The following MROH1 variants were observed in gnomAD, a reference collection of about 807,000 sequenced individuals.
MROH1 encodes the protein maestro heat like repeat family member 1, also known as maestro heat-like repeat-containing protein family member 1.
Under a neutral mutation model 116.5 loss-of-function variants are expected in MROH1, and 117 were observed. The observed-to-expected ratio is 1.00, with a 90% CI of 0.86 to 1.17. MROH1 has a LOEUF of 1.17. MROH1 is among the 50% of genes most tolerant of loss of function. The pLI, the probability that MROH1 is intolerant of heterozygous loss-of-function variation, is 0.00. For synonymous variants in MROH1, 921 were observed against 583.9 expected, an observed-to-expected ratio of 1.58 and a Z score of -8.32; for missense variants, 1,873 against 1,338.5, an observed-to-expected ratio of 1.40 and a Z score of -6.23.
intron 39 of MROH1, 23 bp from the exon 40 acceptor site, chr8:144,260,654 C>T (rs1468142241): frequency 1.4e-5 from 11 of 776,736 alleles, no homozygotes; most frequent in East Asian, 2.4e-5. Flanking sequence ...TGTGAGGAGA[C>T]GTATGCTGCA....
chr8:144,189,272 G>C (rs1827962069), intron 7 of MROH1, among the ~76,000 whole-genome samples: 1 of 152,090 alleles, frequency 6.6e-6, no homozygotes, highest in South Asian at 2.1e-4. Flanking sequence ...CATCCTTTCA[G>C]GGCTCTGGAC....
intron 35 of MROH1, among the ~76,000 whole-genome samples, chr8:144,258,243 C>T (rs996741730): frequency 2.0e-4 from 31 of 152,294 alleles, no homozygotes; most frequent in African/African-American, 1.7e-4. Context: ...ACGCCCAGGG[C>T]GCCTGCTCTT....
At chr8:144,172,041 T>C (rs1014726579) in intron 4 of MROH1, among the ~76,000 whole-genome samples, 13 of 152,286 alleles carry the variant, frequency 8.5e-5, no homozygotes, top group Non-Finnish European at 1.5e-4. Context: ...GCAATAAAAT[T>C]CCAGACTGGA....
chr8:144,167,862 G>A (rs544995353), intron 3 of MROH1, among the ~76,000 whole-genome samples: 65 of 152,252 alleles, frequency 4.3e-4, no homozygotes, highest in Non-Finnish European at 5.3e-4. Context: ...GGAACCCCAG[G>A]CTGCCTGGGC....
chr8:144,191,605 A>C, intron 8 of MROH1, 110 bp from the exon 9 acceptor site: 3 of 1,419,618 alleles, frequency 2.1e-6, no homozygotes, highest in Non-Finnish European at 2.8e-6. Context: ...CGTAGCACCC[A>C]CTGGTAGCCC....
At position 144,258,965 on chromosome 8, in the gene MROH1, A is replaced by C. The variant is rs915324036; in HGVS notation, c.3929+51A>C. ...TCCAGCACTGGCTGGGCTCCACCGG[A>C]TCTCGAGCCCAGAACATGACAGGAT... On this transcript the variant is annotated intron_variant, in intron 36 of 43. Coordinates refer to ENST00000326134, the MANE Select transcript of MROH1 (RefSeq NM_032450.3). 47 of 684,630 alleles carry C rather than the reference A, an allele frequency of 6.9e-5. 1 individual carries two copies. Among genetic ancestry groups the C allele is most frequent in the Admixed American group, 1.9e-4 (9 of 48,240 alleles). The allele number at this position is 684,630 out of a possible 1,614,324, so 42.4% of individuals were successfully genotyped here. A position where few individuals can be genotyped will look rare whatever the true frequency, so the allele number is the denominator to read the frequency against.
At chr8:144,211,150 A>T (rs751235529) in intron 12 of MROH1, among the ~76,000 whole-genome samples, 5 of 152,186 alleles carry the variant, frequency 3.3e-5, no homozygotes, top group Admixed American at 6.6e-5. Flanking sequence ...TTTCTCTGCC[A>T]TCTGAATTTC....
At position 144,244,469 on chromosome 8, in the gene MROH1, C is replaced by G; in HGVS notation, c.2696C>G (p.Ala899Gly). The G allele has an allele frequency of 1.3e-6, 1 of 771,724 alleles. No homozygotes were observed. The allele number at this position is 771,724 out of a possible 1,614,324, so 47.8% of individuals were successfully genotyped here. The change falls in exon 28 of 44, where the codon GCC (alanine) becomes GGC (glycine). Residue 899 changes from alanine to glycine, a missense_variant. Ala to Gly is a moderately conservative substitution (Grantham distance 60, BLOSUM62 0). Coordinates refer to ENST00000326134, the MANE Select transcript of MROH1 (RefSeq NM_032450.3). Reference sequence around the variant, plus strand: ...TCCCTGTATCTGGAGACACTGCACGCCCTTGAGGATCTGCTGACGAGCCTC... The same window carrying G: ...TCCCTGTATCTGGAGACACTGCACGGCCTTGAGGATCTGCTGACGAGCCTC... ...QKSLYLETLH[A>G]LEDLLTSLLQ...
At chr8:144,196,299 A>AC (rs1165897959) in intron 10 of MROH1, among the ~76,000 whole-genome samples, 35 of 151,718 alleles carry the variant, frequency 2.3e-4, no homozygotes, top group Non-Finnish European at 4.4e-4. Flanking sequence ...CCAAAAAAAA[A>AC]AAAAAAATTC....
chr8:144,219,432 A>G (rs868227097), intron 12 of MROH1, among the ~76,000 whole-genome samples: 44 of 152,204 alleles, frequency 2.9e-4, no homozygotes, highest in African/African-American at 1.0e-3. Context: ...TGCTGGGTTT[A>G]CAGCCATGAG....
intron 4 of MROH1, among the ~76,000 whole-genome samples, chr8:144,169,177 G>C (rs1311646409): frequency 6.6e-6 from 1 of 152,218 alleles, no homozygotes; most frequent in Non-Finnish European, 1.5e-5. Context: ...GTGTGGTTTG[G>C]GCTGTTCTGG....
At chr8:144,239,990 G>T in intron 18 of MROH1, 111 bp from the exon 19 acceptor site, 1 of 714,908 alleles carries the variant, frequency 1.4e-6, no homozygotes, top group East Asian at 2.7e-5. Flanking sequence ...GGGGGCAGCG[G>T]GGCGGCGGGG....
intron 7 of MROH1, among the ~76,000 whole-genome samples, chr8:144,186,693 C>A (rs373095487): frequency 7.0e-4 from 106 of 152,348 alleles, no homozygotes; most frequent in African/African-American, 2.4e-3. Context: ...ACGGGGGGGT[C>A]ACCCCAGGAG....
intron 3 of MROH1, among the ~76,000 whole-genome samples, chr8:144,166,250 A>G (rs1044442164): frequency 4.6e-5 from 7 of 152,184 alleles, no homozygotes; most frequent in Admixed American, 6.5e-5. Context: ...TCTTAATGCC[A>G]TCACATTGGG....
intron 1 of MROH1, among the ~76,000 whole-genome samples, chr8:144,150,459 A>T (rs1446217296): frequency 6.6e-6 from 1 of 152,190 alleles, no homozygotes; most frequent in African/African-American, 2.4e-5. Context: ...ATAGATGTGG[A>T]AAAGTGGATG....
chr8:144,235,846 C>T (rs2132759944), intron 14 of MROH1, among the ~76,000 whole-genome samples: 1 of 152,346 alleles, frequency 6.6e-6, no homozygotes, highest in Admixed American at 6.5e-5. Context: ...TACATACATG[C>T]ACAATTTTTT....
At chr8:144,224,465 T>C (rs999965914) in intron 14 of MROH1, among the ~76,000 whole-genome samples, 3 of 151,982 alleles carry the variant, frequency 2.0e-5, no homozygotes, top group African/African-American at 7.3e-5. Context: ...GAGATCACAC[T>C]ATGTTGCCCA....
rs532888000 is a variant in MROH1 at position 144,171,280 on chromosome 8, C to T, written c.168+2840C>T. ...GGCTTGATGAATTGCAGCAGTGGCT[C>T]ACAGAATGCAGGGACAGAGTGGCCT... On this transcript the variant is annotated intron_variant, in intron 4 of 43. Transcript: ENST00000326134. Among the ~76,000 whole-genome samples the T allele has an allele frequency of 5.3e-5, 8 of 152,326 alleles. No homozygotes were observed. The East Asian group carries it at 1.4e-3, about 26-fold the overall frequency.
chr8:144,165,585 G>A (rs1820608081), intron 3 of MROH1, among the ~76,000 whole-genome samples: 1 of 151,866 alleles, frequency 6.6e-6, no homozygotes, highest in Non-Finnish European at 1.5e-5. Context: ...TTTTTTGTGT[G>A]TGTTTTTGAG....
Sources: gnomAD v4.1 joint callset for allele counts (sites outside exome capture counted in the v4.1 genomes callset) on GRCh38, gnomAD v4.1.1 for gene constraint, MANE v1.5 for transcripts, NCBI Gene and HGNC (gene_info 2026-07-23, HGNC 2026-07-21) for gene names.